XPO7: variants seen among roughly 807,000 people sequenced by gnomAD.
The protein encoded by XPO7 is exportin-7.
In XPO7, 21 loss-of-function variants were observed where a neutral mutation model predicts 144.3. The ratio of observed to expected loss-of-function variants is 0.15; its 90% CI spans 0.10 to 0.21. The LOEUF (loss-of-function observed/expected upper bound fraction) is 0.21. Among genes scored for constraint, XPO7 ranks in the 10% least tolerant of loss-of-function variants. The pLI, the probability that XPO7 is intolerant of heterozygous loss-of-function variation, is 1.00. For missense variants in XPO7, 808 were observed against 1,325.8 expected, an observed-to-expected ratio of 0.61 and a Z score of 6.06; for synonymous variants, 580 against 499.6, an observed-to-expected ratio of 1.16 and a Z score of -2.15.
chr8:21,999,832 C>T (rs1471900615), intron 24 of XPO7, among the ~76,000 whole-genome samples, 158 bp downstream of exon 24: 1 of 152,174 alleles, frequency 6.6e-6, no homozygotes, highest in Non-Finnish European at 1.5e-5. Flanking sequence ...CATGCTTATC[C>T]AGCACACACT....
At chr8:21,991,675 G>T (rs1272959380) in intron 18 of XPO7, 193 bp from the exon 19 acceptor site, 2 of 449,134 alleles carry the variant, frequency 4.5e-6, no homozygotes, top group Non-Finnish European at 7.9e-6. Flanking sequence ...GATTTCTGTT[G>T]TCATCTTCTA....
At chr8:21,960,626 A>G (rs1255229582) in intron 1 of XPO7, among the ~76,000 whole-genome samples, 1 of 152,222 alleles carries the variant, frequency 6.6e-6, no homozygotes, top group Non-Finnish European at 1.5e-5. Flanking sequence ...TGCCATCCTT[A>G]TCTCATGCAC....
At chr8:21,922,013 G>A (rs909185256) in intron 1 of XPO7, among the ~76,000 whole-genome samples, 1 of 152,172 alleles carries the variant, frequency 6.6e-6, no homozygotes, top group African/African-American at 2.4e-5. Context: ...ATTAAAGACA[G>A]TCTGCAATGC....
At chr8:21,989,595 ACTTT>A (rs983033171) in intron 16 of XPO7, among the ~76,000 whole-genome samples, 1 of 152,120 alleles carries the variant, frequency 6.6e-6, no homozygotes, top group Non-Finnish European at 1.5e-5. Flanking sequence ...TATTGAAGTG[ACTTT>A]CTTCTCGCTT....
intron 1 of XPO7, among the ~76,000 whole-genome samples, chr8:21,946,763 A>C (rs1012049417): frequency 3.3e-5 from 5 of 151,846 alleles, no homozygotes; most frequent in South Asian, 4.2e-4. Context: ...AAACAGGATA[A>C]ATTTTAAAAC....
intron 1 of XPO7, among the ~76,000 whole-genome samples, chr8:21,947,473 C>A (rs1168903710): frequency 1.3e-5 from 2 of 152,102 alleles, no homozygotes; most frequent in African/African-American, 4.8e-5. Flanking sequence ...AGCCAGTTTG[C>A]GTGAATTGAA....
chr8:21,952,165 A>G (rs1471264335), intron 1 of XPO7, among the ~76,000 whole-genome samples: 2 of 152,266 alleles, frequency 1.3e-5, no homozygotes, highest in African/African-American at 4.8e-5. Flanking sequence ...ACAAGCTTGT[A>G]AATGAAAACT....
At chr8:21,932,722 G>T (rs1810692624) in intron 1 of XPO7, among the ~76,000 whole-genome samples, 1 of 152,050 alleles carries the variant, frequency 6.6e-6, no homozygotes, top group African/African-American at 2.4e-5. Context: ...TAAATGTTTA[G>T]ATGACAATTG....
At chr8:21,966,166 GT>G (rs566921661) in intron 1 of XPO7, 2 of 663,490 alleles carry the variant, frequency 3.0e-6, no homozygotes, top group Admixed American at 2.4e-5. Flanking sequence ...GCTTGTGGGT[GT>G]TTCCCTTGTC....
chr8:21,999,704 G>T, intron 24 of XPO7, 30 bp downstream of exon 24: 2 of 1,613,114 alleles, frequency 1.2e-6, no homozygotes, highest in Non-Finnish European at 1.7e-6. Flanking sequence ...GGGTGAGTTG[G>T]TGGGTTTGTT....
intron 25 of XPO7, 107 bp downstream of exon 25, chr8:22,002,379 C>A: frequency 7.5e-7 from 1 of 1,325,956 alleles, no homozygotes; most frequent in Non-Finnish European, 1.0e-6. Flanking sequence ...TCATCAGGTT[C>A]CTGCTGCTGA....
At chr8:21,985,486 G>C (rs1272895926) in intron 12 of XPO7, 100 bp from the exon 13 acceptor site, 1 of 1,116,834 alleles carries the variant, frequency 9.0e-7, no homozygotes, top group Non-Finnish European at 1.4e-6. Flanking sequence ...AAGACTTCAT[G>C]GTTTCACCAC....
At position 21,988,984 on chromosome 8, in the gene XPO7, T is replaced by G. The variant is rs769120586; in HGVS notation, c.1788-19T>G. The G allele has an allele frequency of 1.2e-6, 2 of 1,609,402 alleles. No individual in the cohort carries two copies. Among genetic ancestry groups the G allele is most frequent in the Non-Finnish European group, 1.7e-6 (2 of 1,178,714 alleles). On this transcript the variant is annotated intron_variant, in intron 15 of 27. Coordinates refer to ENST00000252512, the MANE Select transcript of XPO7 (RefSeq NM_015024.5). Reference sequence around the variant, plus strand: ...AATCAAAAGGGTCTCCTGCTTTTTTTTTTCTTTTTGTCCTCCAGCATCACC... The same window carrying G: ...AATCAAAAGGGTCTCCTGCTTTTTTGTTTCTTTTTGTCCTCCAGCATCACC...
At chr8:21,980,418 G>A (rs1322075616) in intron 9 of XPO7, among the ~76,000 whole-genome samples, 1 of 152,150 alleles carries the variant, frequency 6.6e-6, no homozygotes, top group Admixed American at 6.5e-5. Flanking sequence ...TTACAGGAAA[G>A]AATCACTTCG....
chr8:21,920,142 A>C (rs1363718459), intron 1 of XPO7, among the ~76,000 whole-genome samples: 2 of 126,542 alleles, frequency 1.6e-5, no homozygotes, highest in Admixed American at 8.0e-5. Flanking sequence ...CGGTGAAGCG[A>C]GGGGGACCCC....
chr8:21,933,262 G>T (rs780000887), intron 1 of XPO7, among the ~76,000 whole-genome samples: 1 of 151,900 alleles, frequency 6.6e-6, no homozygotes, highest in Non-Finnish European at 1.5e-5. Context: ...CACCACACCC[G>T]GCTAATTTTT....
rs188247061 is a variant in XPO7, at chr8:21,987,932, G to T, written c.1787+75G>T. ...AACTGTAAAATGTGATCTTGGCATT[G>T]TGCTGCCAGTGCCTGGTATTCCAGC... On this transcript the variant is annotated intron_variant, in intron 15 of 27. Coordinates refer to ENST00000252512, the MANE Select transcript of XPO7 (RefSeq NM_015024.5). 12 of 1,429,010 alleles carry T rather than the reference G, an allele frequency of 8.4e-6. No individual in the cohort carries two copies. The Admixed American group carries it at 2.3e-4, about 28-fold the overall frequency. The allele number at this position is 1,429,010 out of a possible 1,614,324, so 88.5% of individuals were successfully genotyped here.
chr8:21,971,898 T>C lies in XPO7; in HGVS notation c.449T>C (p.Ile150Thr), dbSNP rs1322392184. ...FLQDSVEYCI[I>T]GVTILSQLTN... is the part of the protein sequence containing the mutation. ...CAGGATAGTGTTGAATACTGCATCA[T>C]TGGTGTCACAATTTTATCTCAGCTA... Residue 150 changes from isoleucine (I) to threonine (T), a missense_variant, in exon 5 of 28, where the codon ATT becomes ACT. Ile to Thr is a moderately conservative substitution (Grantham distance 89). This residue lies in a region of XPO7 where 223 missense variants were observed against 368.8 expected (regional missense o/e 0.60). Coordinates refer to ENST00000252512, the MANE Select transcript of XPO7 (RefSeq NM_015024.5). 3 of 1,613,456 alleles carry C rather than the reference T, an allele frequency of 1.9e-6. No homozygotes were observed. The highest frequency in any genetic ancestry group is 2.2e-5 in the East Asian group (1 of 44,884).
chr8:21,924,513 C>T (rs1010022618), intron 1 of XPO7, among the ~76,000 whole-genome samples: 1 of 151,550 alleles, frequency 6.6e-6, no homozygotes, highest in Admixed American at 6.6e-5. Context: ...AGAACTCAAG[C>T]TGAGTAACCT....
Sources: gnomAD v4.1 joint callset for allele counts (sites outside exome capture counted in the v4.1 genomes callset) on GRCh38, gnomAD v4.1.1 for gene constraint, gnomAD v4.1.1 regional missense constraint, MANE v1.5 for transcripts, NCBI Gene and HGNC (gene_info 2026-07-23, HGNC 2026-07-21) for gene names.